The following ERC2 variants were observed in gnomAD, a reference collection of about 807,000 sequenced individuals.
ERC2 encodes the protein ELKS/RAB6-interacting/CAST family member 2.
Under a neutral mutation model 114.8 loss-of-function variants are expected in ERC2, and 42 were observed. That is an observed-to-expected ratio of 0.37 (90% CI 0.29 to 0.47). The LOEUF is 0.47. Among genes scored for constraint, ERC2 ranks in the 20% least tolerant of loss-of-function variants. The pLI, the probability that ERC2 is intolerant of heterozygous loss-of-function variation, is 0.99. For synonymous variants in ERC2, 454 were observed against 425.5 expected (o/e 1.07, Z -0.82); for missense variants, 939 against 1,150.7 (o/e 0.82, Z 2.66).
At chr3:56,272,175 A>C (rs2053697123) in intron 3 of ERC2, among the ~76,000 whole-genome samples, 1 of 152,192 alleles carries the variant, frequency 6.6e-6, no homozygotes, top group South Asian at 2.1e-4. Flanking sequence ...CCAAAATAAA[A>C]ATCCATGTGA....
chr3:55,938,028 C>T (rs749357830), intron 13 of ERC2, among the ~76,000 whole-genome samples: 8 of 152,128 alleles, frequency 5.3e-5, no homozygotes, highest in Non-Finnish European at 1.0e-4. Flanking sequence ...TGTAGTGCTG[C>T]TTAGTCCAAT....
At chr3:55,561,931 G>A (rs2056051517) in intron 17 of ERC2, among the ~76,000 whole-genome samples, 1 of 152,136 alleles carries the variant, frequency 6.6e-6, no homozygotes, top group Non-Finnish European at 1.5e-5. Context: ...CTATCTCTTT[G>A]TGGAATTGTA....
At chr3:55,572,518 T>C (rs1166944390) in intron 17 of ERC2, among the ~76,000 whole-genome samples, 1 of 152,262 alleles carries the variant, frequency 6.6e-6, no homozygotes, top group Non-Finnish European at 1.5e-5. Flanking sequence ...TGGAATCTTC[T>C]AGAAAATAAC....
intron 3 of ERC2, among the ~76,000 whole-genome samples, chr3:56,255,973 T>C (rs1383466701): frequency 6.6e-6 from 1 of 152,196 alleles, no homozygotes; most frequent in Non-Finnish European, 1.5e-5. Context: ...TCATTACAGC[T>C]TGAGACACAG....
chr3:56,280,495 CAG>C (rs149506644), intron 3 of ERC2, among the ~76,000 whole-genome samples: 1,985 of 152,196 alleles, frequency 0.013, 36 homozygotes, highest in African/African-American at 0.044. Context: ...GACAAGGACA[CAG>C]GGGGAGAATA....
At chr3:55,726,914 A>G (rs1224785304) in intron 15 of ERC2, among the ~76,000 whole-genome samples, 1 of 152,214 alleles carries the variant, frequency 6.6e-6, no homozygotes, top group Non-Finnish European at 1.5e-5. Flanking sequence ...TCTGATCTCA[A>G]AAATAGTCTA....
chr3:55,683,704 C>A (rs957173914), intron 17 of ERC2, 90 bp downstream of exon 17: 1 of 1,081,408 alleles, frequency 9.2e-7, no homozygotes, highest in Non-Finnish European at 1.4e-6. Flanking sequence ...GCACAATTCA[C>A]AAACATCAGC....
intron 11 of ERC2, among the ~76,000 whole-genome samples, chr3:55,990,534 C>A (rs750754852): frequency 6.6e-6 from 1 of 152,012 alleles, no homozygotes; most frequent in Non-Finnish European, 1.5e-5. Context: ...AAGTGATCCT[C>A]CTGTCTCAGC....
chr3:56,138,878 G>T (rs1333117472), intron 6 of ERC2, among the ~76,000 whole-genome samples: 2 of 152,264 alleles, frequency 1.3e-5, no homozygotes, highest in South Asian at 2.1e-4. Context: ...ACATATTTTT[G>T]TTGTTCTTCT....
At chr3:56,048,671 A>T (rs944927062) in intron 7 of ERC2, among the ~76,000 whole-genome samples, 1 of 152,182 alleles carries the variant, frequency 6.6e-6, no homozygotes, top group Non-Finnish European at 1.5e-5. Flanking sequence ...TTTTTGATTC[A>T]TTCAGTATTG....
chr3:56,383,228 C>T (rs183007588), intron 2 of ERC2, among the ~76,000 whole-genome samples: 4 of 152,230 alleles, frequency 2.6e-5, no homozygotes, highest in Admixed American at 2.6e-4. Context: ...AACACAACAG[C>T]CAGAGGAATC....
chr3:55,552,318 GCTCT>G (rs1356569371), intron 17 of ERC2, among the ~76,000 whole-genome samples: 2 of 152,162 alleles, frequency 1.3e-5, no homozygotes, highest in Non-Finnish European at 2.9e-5. Context: ...CCAGCAAAGC[GCTCT>G]CTGTTTTTCC....
chr3:56,015,121 A>G (rs2073217815), intron 8 of ERC2, among the ~76,000 whole-genome samples: 3 of 152,336 alleles, frequency 2.0e-5, no homozygotes, highest in South Asian at 4.1e-4. Context: ...TTGGAAATAC[A>G]TACTAAATAT....
chr3:55,943,458 G>A (rs961845846), intron 13 of ERC2, among the ~76,000 whole-genome samples: 5 of 149,630 alleles, frequency 3.3e-5, no homozygotes, highest in African/African-American at 4.9e-5. Context: ...CTGAGGAAGC[G>A]TTTTTTTTTT....
At chr3:56,056,531 C>A (rs751527788) in intron 7 of ERC2, among the ~76,000 whole-genome samples, 18 of 152,122 alleles carry the variant, frequency 1.2e-4, no homozygotes, top group Non-Finnish European at 2.1e-4. Flanking sequence ...ATCTGTTTCC[C>A]AAATATGTAT....
At chr3:55,667,863 A>G (rs2148725870) in intron 17 of ERC2, among the ~76,000 whole-genome samples, 1 of 152,250 alleles carries the variant, frequency 6.6e-6, no homozygotes, top group East Asian at 1.9e-4. Context: ...CCCCTGGAGA[A>G]CATGCTCTAT....
intron 17 of ERC2, among the ~76,000 whole-genome samples, chr3:55,516,456 G>A (rs964780855): frequency 6.6e-6 from 1 of 151,416 alleles, no homozygotes; most frequent in East Asian, 2.0e-4. Context: ...AATATGAGTG[G>A]AGAGCAACAT....
intron 3 of ERC2, among the ~76,000 whole-genome samples, chr3:56,228,798 A>G (rs1418769391): frequency 1.3e-5 from 2 of 152,170 alleles, no homozygotes; most frequent in African/African-American, 4.8e-5. Flanking sequence ...TGCATTTTTA[A>G]AAGTGTAAAA....
At chr3:56,321,430 T>G (rs1292814242) in intron 2 of ERC2, among the ~76,000 whole-genome samples, 1 of 152,126 alleles carries the variant, frequency 6.6e-6, no homozygotes, top group Non-Finnish European at 1.5e-5. Context: ...AAGAGAAAAC[T>G]GAGGCACTGT....
Sources: gnomAD v4.1 joint callset for allele counts (sites outside exome capture counted in the v4.1 genomes callset) on GRCh38, gnomAD v4.1.1 for gene constraint, MANE v1.5 for transcripts, NCBI Gene and HGNC (gene_info 2026-07-23, HGNC 2026-07-21) for gene names.